Variants in QTGAL observed in about 807,000 individuals in gnomAD.
QTGAL encodes the protein queuosine-tRNA galactosyltransferase.
the QTGAL span, chr17:82,956,960 C>A: frequency 1.1e-6 from 1 of 934,712 alleles, no homozygotes; most frequent in Non-Finnish European, 1.7e-6. The surrounding 1 kb of genome is among the most constrained non-coding windows in gnomAD (Gnocchi z 5.7). Flanking sequence ...CCCCGCCTGA[C>A]ACCCGACTGC....
At chr17:82,972,405 A>G in the QTGAL span, among the ~76,000 whole-genome samples, 34 of 126,954 alleles carry the variant, frequency 2.7e-4, no homozygotes, top group Non-Finnish European at 3.3e-4. Context: ...AGGGGCTAGA[A>G]GGACCTGGTG....
chr17:83,045,171 C>G, the QTGAL span, among the ~76,000 whole-genome samples: 1 of 152,066 alleles, frequency 6.6e-6, no homozygotes, highest in Admixed American at 6.6e-5. Flanking sequence ...ATTAAGAAAA[C>G]AATTCACAAA....
the QTGAL span, chr17:82,956,660 C>G: frequency 6.6e-7 from 1 of 1,521,380 alleles, no homozygotes; most frequent in South Asian, 1.3e-5. The surrounding 1 kb of genome is among the most constrained non-coding windows in gnomAD (Gnocchi z 5.7). Flanking sequence ...CCCGGGATCC[C>G]CAAGCCCTTC....
chr17:83,020,316 C>T, the QTGAL span, among the ~76,000 whole-genome samples: 212 of 152,174 alleles, frequency 1.4e-3, 1 homozygote, highest in African/African-American at 4.7e-3. Context: ...TTTCTGAGAC[C>T]GATAAGGATG....
At chr17:83,015,689 C>A in the QTGAL span, among the ~76,000 whole-genome samples, 1,108 of 152,352 alleles carry the variant, frequency 7.3e-3, 14 homozygotes, top group African/African-American at 0.026. The surrounding 1 kb of genome is among the most constrained non-coding windows in gnomAD (Gnocchi z 4.4). Context: ...GGCGGCCGGG[C>A]GAGCGTCACG....
chr17:82,942,923 T>TAGAG, the QTGAL span: 5 of 205,326 alleles, frequency 2.4e-5, no homozygotes, highest in Admixed American at 5.7e-5. Context: ...GTTCAAATGC[T>TAGAG]AGAGAACTGA....
chr17:82,947,293 T>A, the QTGAL span: 1 of 395,050 alleles, frequency 2.5e-6, no homozygotes, highest in Non-Finnish European at 4.6e-6. Context: ...AGGCAATGCC[T>A]CTGCTGTTTG....
chr17:83,020,764 C>T, the QTGAL span, among the ~76,000 whole-genome samples: 1 of 152,224 alleles, frequency 6.6e-6, no homozygotes, highest in Non-Finnish European at 1.5e-5. Context: ...GCACTCCTGC[C>T]ACTCCCAGGG....
At chr17:83,051,476 G>C in the QTGAL span, among the ~76,000 whole-genome samples, 1 of 152,198 alleles carries the variant, frequency 6.6e-6, no homozygotes, top group Non-Finnish European at 1.5e-5. Flanking sequence ...AGGAGGCCAC[G>C]CTCGCGGGAC....
At chr17:82,967,114 G>A in the QTGAL span, among the ~76,000 whole-genome samples, 6 of 152,166 alleles carry the variant, frequency 3.9e-5, no homozygotes, top group African/African-American at 7.2e-5. Context: ...TCCACCTAAC[G>A]GCCTCATCTG....
the QTGAL span, chr17:82,943,756 A>G: frequency 7.9e-5 from 12 of 152,220 alleles, no homozygotes; most frequent in Non-Finnish European, 5.9e-5. Flanking sequence ...CTGGTGGCCA[A>G]TGGTCTTTAT....
chr17:83,018,490 T>C, the QTGAL span, among the ~76,000 whole-genome samples: 1 of 152,216 alleles, frequency 6.6e-6, no homozygotes, highest in Admixed American at 6.5e-5. Context: ...CACTCTTCTA[T>C]GGCTGGAGAG....
At chr17:83,039,433 G>A in the QTGAL span, among the ~76,000 whole-genome samples, 1 of 107,988 alleles carries the variant, frequency 9.3e-6, no homozygotes, top group Non-Finnish European at 2.0e-5. Flanking sequence ...ACACACTGCT[G>A]GGCGCCCGCC....
the QTGAL span, among the ~76,000 whole-genome samples, chr17:82,987,057 A>G: frequency 6.6e-6 from 1 of 152,240 alleles, no homozygotes. Context: ...AAATCCTGAA[A>G]GATCAAAATC....
At chr17:83,045,277 T>G in the QTGAL span, among the ~76,000 whole-genome samples, 1 of 152,216 alleles carries the variant, frequency 6.6e-6, no homozygotes, top group African/African-American at 2.4e-5. Flanking sequence ...CAGGAATGAA[T>G]CCATACGTTT....
the QTGAL span, among the ~76,000 whole-genome samples, chr17:82,984,926 T>A: frequency 6.6e-6 from 1 of 152,010 alleles, no homozygotes; most frequent in Non-Finnish European, 1.5e-5. Context: ...GACCTCTGAG[T>A]CCCCTTCGTG....
chr17:83,014,175 T>C, the QTGAL span, among the ~76,000 whole-genome samples: 27 of 152,250 alleles, frequency 1.8e-4, no homozygotes, highest in Admixed American at 5.2e-4. Context: ...TGTGTTTTCA[T>C]GTCTAAGGCG....
At chr17:82,970,375 AC>A in the QTGAL span, among the ~76,000 whole-genome samples, 1 of 152,370 alleles carries the variant, frequency 6.6e-6, no homozygotes, top group South Asian at 2.1e-4. Flanking sequence ...TTACAAAGCA[AC>A]CATTTAGCTT....
the QTGAL span, among the ~76,000 whole-genome samples, chr17:82,997,176 T>C: frequency 8.5e-5 from 13 of 152,126 alleles, no homozygotes; most frequent in East Asian, 7.7e-4. Flanking sequence ...CCAGAACATA[T>C]ACAGAGCTCA....
Sources: gnomAD v4.1 joint callset for allele counts (sites outside exome capture counted in the v4.1 genomes callset) on GRCh38, gnomAD v4.1.1 for gene constraint, Gnocchi (gnomAD v3.1) non-coding constraint, MANE v1.5 for transcripts, NCBI Gene and HGNC (gene_info 2026-07-23, HGNC 2026-07-21) for gene names.